ATP8A2: variants seen among roughly 807,000 people sequenced by gnomAD.
ATP8A2 encodes the protein ATPase phospholipid transporting 8A2, also known as phospholipid-transporting ATPase IB.
A neutral mutation model predicts 165.6 loss-of-function variants in ATP8A2; 100 were observed. The observed-to-expected ratio is 0.60, with a 90% CI of 0.51 to 0.71. The LOEUF is 0.71. Ranked by LOEUF, ATP8A2 falls within the 30% of genes least tolerant of loss-of-function variation. ATP8A2 has a pLI of 0.00. For synonymous variants in ATP8A2, 543 were observed against 548.8 expected, an observed-to-expected ratio of 0.99 and a Z score of 0.15; for missense variants, 1,227 against 1,479.5, an observed-to-expected ratio of 0.83 and a Z score of 2.80.
chr13:25,400,085 G>A (rs1489659772), intron 1 of ATP8A2, among the ~76,000 whole-genome samples: 3 of 83,420 alleles, frequency 3.6e-5, no homozygotes, highest in African/African-American at 1.3e-4. Context: ...GCCACGCCCA[G>A]CTAATTTTTA....
intron 2 of ATP8A2, among the ~76,000 whole-genome samples, chr13:25,499,580 T>A (rs1037556271): frequency 6.6e-6 from 1 of 152,198 alleles, no homozygotes; most frequent in Non-Finnish European, 1.5e-5. Flanking sequence ...TTGCCTGACA[T>A]ATATTAATTA....
intron 27 of ATP8A2, among the ~76,000 whole-genome samples, chr13:25,783,823 A>T (rs1381125652): frequency 6.6e-6 from 1 of 152,322 alleles, no homozygotes. Context: ...GAAATGCATT[A>T]TGCTGCGGTT....
intron 24 of ATP8A2, among the ~76,000 whole-genome samples, chr13:25,646,456 C>T (rs1004490729): frequency 3.9e-5 from 6 of 152,050 alleles, no homozygotes; most frequent in East Asian, 1.9e-4. Flanking sequence ...GAGTTCAAGA[C>T]GATCCTGGCC....
chr13:25,419,394 G>A (rs2034231385), intron 1 of ATP8A2, among the ~76,000 whole-genome samples: 8 of 152,108 alleles, frequency 5.3e-5, no homozygotes, highest in Admixed American at 5.2e-4. Flanking sequence ...AAAAAAGGCA[G>A]GTTAATAAGA....
At chr13:25,951,076 A>T (rs1393992966) in intron 33 of ATP8A2, among the ~76,000 whole-genome samples, 2 of 152,184 alleles carry the variant, frequency 1.3e-5, no homozygotes, top group African/African-American at 4.8e-5. Context: ...GGCTGTGTCT[A>T]ATAAAGCTAA....
intron 1 of ATP8A2, among the ~76,000 whole-genome samples, chr13:25,422,745 A>C (rs2138107854): frequency 6.6e-6 from 1 of 152,354 alleles, no homozygotes; most frequent in South Asian, 2.1e-4. Flanking sequence ...GGGAAACCAA[A>C]GTTTTTAAAG....
chr13:25,760,477 C>CT, intron 25 of ATP8A2, among the ~76,000 whole-genome samples: 1 of 152,134 alleles, frequency 6.6e-6, no homozygotes, highest in East Asian at 1.9e-4. Flanking sequence ...TCTTAAAATT[C>CT]TTTATATTTG....
chr13:25,401,782 C>A (rs1476416398), intron 1 of ATP8A2, among the ~76,000 whole-genome samples: 2 of 152,118 alleles, frequency 1.3e-5, no homozygotes, highest in Admixed American at 1.3e-4. Context: ...AAATTAGGCA[C>A]AGTAAGAGAT....
At chr13:25,475,947 A>AT in intron 2 of ATP8A2, among the ~76,000 whole-genome samples, 1 of 152,104 alleles carries the variant, frequency 6.6e-6, no homozygotes, top group East Asian at 1.9e-4. Flanking sequence ...GTTTGCATAT[A>AT]TTTTCTCCCA....
chr13:25,991,780 A>G (rs1956401121), intron 35 of ATP8A2, among the ~76,000 whole-genome samples: 1 of 152,160 alleles, frequency 6.6e-6, no homozygotes, highest in African/African-American at 2.4e-5. Context: ...TTTTGCTCTT[A>G]TACATAAAAC....
rs557464942 is a variant in ATP8A2 at position 25,970,754 on chromosome 13, G to A, written c.3377+2075G>A. ...CACTTTGGCAGGAGAGTCATGAGCT[G>A]TCGGCCTTGAATTGTATTGAAGGAA... is the stretch of plus-strand genomic sequence containing the variant. On this transcript the variant is annotated intron_variant, in intron 35 of 36. Coordinates refer to ENST00000381655, the MANE Select transcript of ATP8A2 (RefSeq NM_016529.6). Among the ~76,000 whole-genome samples, 40 of 152,320 alleles carry A rather than the reference G, an allele frequency of 2.6e-4. 2 individuals carry two copies. In the South Asian group the frequency reaches 4.6e-3, roughly 17 times the overall value.
chr13:25,644,052 T>C (rs2041607671), intron 24 of ATP8A2, among the ~76,000 whole-genome samples: 1 of 152,098 alleles, frequency 6.6e-6, no homozygotes, highest in African/African-American at 2.4e-5. Context: ...AGAATGTTCA[T>C]TGTTAGTGTA....
At chr13:25,387,634 A>G (rs539145390) in intron 1 of ATP8A2, among the ~76,000 whole-genome samples, 1 of 152,312 alleles carries the variant, frequency 6.6e-6, no homozygotes, top group Non-Finnish European at 1.5e-5. Flanking sequence ...TGACTGGAAC[A>G]TTATTTAGAG....
At chr13:25,771,054 A>C (rs570014418) in intron 26 of ATP8A2, among the ~76,000 whole-genome samples, 8 of 152,360 alleles carry the variant, frequency 5.3e-5, no homozygotes, top group African/African-American at 1.9e-4. Context: ...CTGCAGATGC[A>C]GGGAGAAATT....
chr13:25,774,116 C>T (rs7319913), intron 26 of ATP8A2, among the ~76,000 whole-genome samples: 8 of 145,866 alleles, frequency 5.5e-5, no homozygotes, highest in African/African-American at 2.0e-4. Context: ...TAATTAATCC[C>T]TATTGCAGCA....
At chr13:25,589,561 A>T (rs1389394593) in intron 23 of ATP8A2, 74 bp from the exon 24 acceptor site, 1 of 1,136,596 alleles carries the variant, frequency 8.8e-7, no homozygotes, top group Non-Finnish European at 1.3e-6. Context: ...TGGCAGATAT[A>T]ACCAAGGAGG....
Position 25,858,443 on chromosome 13 carries a change from C to T in ATP8A2, c.2957-1752C>T, listed in dbSNP as rs1274907826. 2.0e-5 allele frequency among the ~76,000 whole-genome samples: 3 copies of T among 152,106 alleles called. No individual in the cohort carries two copies. The East Asian group carries it at 5.8e-4, about 29-fold the overall frequency. ...ATATAACTCTTACTTTACCCAGCAG[C>T]GGGGCCTCCGTTTAGTGCAGCCCGT... is the stretch of plus-strand genomic sequence containing the variant. On this transcript the variant is annotated intron_variant, in intron 30 of 36. Coordinates refer to ENST00000381655, the MANE Select transcript of ATP8A2 (RefSeq NM_016529.6).
chr13:25,506,544 A>G (rs962043857), intron 2 of ATP8A2, among the ~76,000 whole-genome samples: 9 of 152,166 alleles, frequency 5.9e-5, no homozygotes, highest in Admixed American at 3.3e-4. Context: ...AACCCTTGAA[A>G]CCAGAAACAT....
intron 35 of ATP8A2, among the ~76,000 whole-genome samples, chr13:26,011,247 C>G (rs543537284): frequency 3.3e-5 from 5 of 152,180 alleles, no homozygotes; most frequent in Admixed American, 2.0e-4. Context: ...AGTCCATACT[C>G]GAGCTACTTA....
Sources: gnomAD v4.1 joint callset for allele counts (sites outside exome capture counted in the v4.1 genomes callset) on GRCh38, gnomAD v4.1.1 for gene constraint, MANE v1.5 for transcripts, NCBI Gene and HGNC (gene_info 2026-07-23, HGNC 2026-07-21) for gene names.